SCHIP1: variants seen among roughly 807,000 people sequenced by gnomAD.
The protein encoded by SCHIP1 is schwannomin-interacting protein 1.
SCHIP1 carries 8 observed loss-of-function variants against 29.7 expected under a neutral mutation model. That is an observed-to-expected ratio of 0.27 (90% CI 0.16 to 0.49). SCHIP1 has a LOEUF of 0.49. Among genes scored for constraint, SCHIP1 ranks in the 20% least tolerant of loss-of-function variants. The pLI is 0.99. For missense variants in SCHIP1, 193 were observed against 294.6 expected (o/e 0.66, Z 2.52); for synonymous variants, 76 against 94.9 (o/e 0.80, Z 1.16).
chr3:159,666,872 C>T, the SCHIP1 span, among the ~76,000 whole-genome samples: 5 of 152,276 alleles, frequency 3.3e-5, no homozygotes, highest in East Asian at 1.9e-4. Context: ...CAAACCTGCC[C>T]GATGTCTACA....
rs1161141544 is a variant in SCHIP1 at position 159,843,822 on chromosome 3, C to CAAA, written c.30+3630_30+3632dup. ...TGGGCGACAGAGCAAGACTCTGTCT[C>CAAA]AAAAAAAAAAAAAAAAAAAAAAAAG... On this transcript the variant is annotated intron_variant, in intron 1 of 6. Transcript: ENST00000445224. Among the ~76,000 whole-genome samples, 35 of 39,818 alleles carry CAAA rather than the reference C, an allele frequency of 8.8e-4. 1 individual carries two copies. Among genetic ancestry groups the CAAA allele is most frequent in the African/African-American group, 1.9e-3 (18 of 9,726 alleles). 26.1% of individuals were successfully genotyped at this position (39,818 alleles called of 152,430 possible).
chr3:159,680,713 A>AATATATGTATATATATATATACATATATT, the SCHIP1 span, among the ~76,000 whole-genome samples: 1 of 80,014 alleles, frequency 1.2e-5, no homozygotes, highest in Non-Finnish European at 2.2e-5. Context: ...TATTATATAT[A>AATATATGTATATATATATATACATATATT]ATATATGTAT....
chr3:159,700,466 A>G, the SCHIP1 span, among the ~76,000 whole-genome samples: 1 of 152,232 alleles, frequency 6.6e-6, no homozygotes, highest in East Asian at 1.9e-4. Flanking sequence ...CAATTAGAGA[A>G]GAGAGTACAG....
the SCHIP1 span, among the ~76,000 whole-genome samples, chr3:159,703,611 C>T: frequency 1.1e-4 from 17 of 152,168 alleles, no homozygotes; most frequent in Admixed American, 2.6e-4. Context: ...CTTTCTAGTG[C>T]GCTGAAGCAT....
At chr3:159,822,830 G>A in the SCHIP1 span, among the ~76,000 whole-genome samples, 10,413 of 151,520 alleles carry the variant, frequency 0.069, 1,149 homozygotes, top group African/African-American at 0.23. Flanking sequence ...TCAGAGCAGG[G>A]TGTTAGGAAG....
At chr3:159,825,545 G>A in the SCHIP1 span, among the ~76,000 whole-genome samples, 1 of 152,178 alleles carries the variant, frequency 6.6e-6, no homozygotes, top group African/African-American at 2.4e-5. Flanking sequence ...TAGAACTAAT[G>A]ACAGCTGGTC....
the SCHIP1 span, among the ~76,000 whole-genome samples, chr3:159,279,553 G>A: frequency 6.6e-6 from 1 of 152,056 alleles, no homozygotes; most frequent in Non-Finnish European, 1.5e-5. Flanking sequence ...TGCCATACCT[G>A]GACTTCTGTT....
chr3:159,892,246 A>G (rs1717609902), intron 6 of SCHIP1, 56 bp downstream of exon 7: 1 of 1,602,392 alleles, frequency 6.2e-7, no homozygotes, highest in African/African-American at 1.3e-5. Context: ...TCTGAAATCT[A>G]AGAATTAGGC....
chr3:159,301,075 T>G, the SCHIP1 span, among the ~76,000 whole-genome samples: 1 of 152,226 alleles, frequency 6.6e-6, no homozygotes, highest in Non-Finnish European at 1.5e-5. Flanking sequence ...ATATTGATAG[T>G]ACATAGTACA....
chr3:159,612,160 C>T, the SCHIP1 span, among the ~76,000 whole-genome samples: 1 of 151,832 alleles, frequency 6.6e-6, no homozygotes, highest in East Asian at 1.9e-4. Context: ...CTGTACTTTG[C>T]AGAAATAATG....
chr3:159,405,680 C>G, the SCHIP1 span, among the ~76,000 whole-genome samples: 24 of 151,684 alleles, frequency 1.6e-4, no homozygotes, highest in Non-Finnish European at 4.4e-5. Context: ...AGTTCGAGAC[C>G]AGCCTGGCCA....
At chr3:159,798,732 T>A in the SCHIP1 span, among the ~76,000 whole-genome samples, 1 of 151,768 alleles carries the variant, frequency 6.6e-6, no homozygotes, top group Non-Finnish European at 1.5e-5. Context: ...CACTCCAGAC[T>A]AGGCAACAGA....
chr3:159,661,330 A>C, the SCHIP1 span, among the ~76,000 whole-genome samples: 58 of 150,134 alleles, frequency 3.9e-4, no homozygotes, highest in African/African-American at 1.5e-3. Flanking sequence ...CCATATACTA[A>C]GAACTGACAT....
chr3:159,867,705 G>A (rs927219160), intron 2 of SCHIP1, among the ~76,000 whole-genome samples: 4 of 152,110 alleles, frequency 2.6e-5, no homozygotes, highest in Non-Finnish European at 5.9e-5. Context: ...GGCAGAAGGC[G>A]CTTTGGCCTA....
rs1241984606 is a variant in SCHIP1, at chr3:159,842,997, CTTTCTTTTTTT to C, written c.30+2787_30+2797del. 7.3e-4 allele frequency among the ~76,000 whole-genome samples: 45 copies of C among 61,774 alleles called. 2 individuals are homozygous for C. In the Middle Eastern group the frequency reaches 0.031, roughly 42 times the overall value. 40.5% of individuals were successfully genotyped at this position (61,774 alleles called of 152,430 possible). On this transcript the variant is annotated intron_variant, in intron 1 of 6. Coordinates refer to ENST00000445224, the Ensembl canonical transcript of SCHIP1. ...GCTCTCCAGTTCTATCCCAATATTT[CTTTCTTTTTTT>C]TTTTTTTTTTTTTTTTTTTTTGAGA...
At chr3:159,446,335 A>C in the SCHIP1 span, among the ~76,000 whole-genome samples, 1 of 152,172 alleles carries the variant, frequency 6.6e-6, no homozygotes. Context: ...AACTTGCAAG[A>C]AACAAATAGA....
At chr3:159,381,169 G>A in the SCHIP1 span, among the ~76,000 whole-genome samples, 17 of 152,168 alleles carry the variant, frequency 1.1e-4, no homozygotes, top group Non-Finnish European at 2.1e-4. Context: ...AAAAATACCC[G>A]CTCAAACAAG....
At chr3:159,277,401 G>T in the SCHIP1 span, among the ~76,000 whole-genome samples, 1 of 152,062 alleles carries the variant, frequency 6.6e-6, no homozygotes, top group African/African-American at 2.4e-5. Context: ...TTTTTGTTAA[G>T]ATTCCTGGAA....
the SCHIP1 span, among the ~76,000 whole-genome samples, chr3:159,482,302 C>T: frequency 6.6e-6 from 1 of 152,012 alleles, no homozygotes; most frequent in African/African-American, 2.4e-5. Context: ...TATTTATTGC[C>T]CATGGCTTCC....
Sources: gnomAD v4.1 joint callset for allele counts (sites outside exome capture counted in the v4.1 genomes callset) on GRCh38, gnomAD v4.1.1 for gene constraint, MANE v1.5 for transcripts, NCBI Gene and HGNC (gene_info 2026-07-23, HGNC 2026-07-21) for gene names.